Variants in TRAPPC9 observed in about 807,000 individuals in gnomAD.
TRAPPC9 encodes the protein IKK2 binding protein.
A neutral mutation model predicts 124.0 loss-of-function variants in TRAPPC9; 83 were observed. The observed-to-expected ratio is 0.67, with a 90% CI of 0.56 to 0.80. The LOEUF (loss-of-function observed/expected upper bound fraction) is 0.80. TRAPPC9 is among the 30% of genes least tolerant of loss of function. TRAPPC9 has a pLI of 0.00. For synonymous variants in TRAPPC9, 638 were observed against 617.5 expected, an observed-to-expected ratio of 1.03 and a Z score of -0.49; for missense variants, 1,302 against 1,508.3, an observed-to-expected ratio of 0.86 and a Z score of 2.27.
chr8:140,196,996 C>T (rs886925498), intron 17 of TRAPPC9, among the ~76,000 whole-genome samples: 8 of 152,184 alleles, frequency 5.3e-5, no homozygotes, highest in Admixed American at 1.3e-4. Context: ...ATATCCACAG[C>T]GCATAGCAAT....
At position 140,063,915 on chromosome 8, in the gene TRAPPC9, C is replaced by T. The variant is rs1454170048; in HGVS notation, c.2557-39836G>A. Among the ~76,000 whole-genome samples the T allele has an allele frequency of 6.6e-6, 1 of 152,034 alleles. No individual in the cohort carries two copies. The highest frequency in any genetic ancestry group is 1.5e-5 in the Non-Finnish European group (1 of 68,010). On this transcript the variant is annotated intron_variant, in intron 17 of 22. Coordinates refer to ENST00000438773, the MANE Select transcript of TRAPPC9 (RefSeq NM_001160372.4). This position sits in a 1 kb window ranked among gnomAD's most constrained non-coding sequence, Gnocchi z 4.3. Reference sequence around the variant, plus strand: ...GCCCTGCCTCCCGAAACATGCTGGCCCCTGCTCTGCCTCTCTGTTGACACT... The same window carrying T: ...GCCCTGCCTCCCGAAACATGCTGGCTCCTGCTCTGCCTCTCTGTTGACACT...
chr8:139,858,778 G>C (rs1468436600), intron 21 of TRAPPC9, among the ~76,000 whole-genome samples: 4 of 151,914 alleles, frequency 2.6e-5, no homozygotes, highest in Non-Finnish European at 4.4e-5. Context: ...CGGTTTTGCC[G>C]AGGCCAGAGC....
chr8:140,098,605 C>G (rs548966977), intron 17 of TRAPPC9: 1 of 152,184 alleles, frequency 6.6e-6, no homozygotes, highest in Non-Finnish European at 1.5e-5. Flanking sequence ...TCTCCGCAGC[C>G]GTCCACTGGG....
chr8:140,036,384 G>A lies in TRAPPC9; in HGVS notation c.2557-12305C>T, dbSNP rs549616524. 8.5e-5 allele frequency among the ~76,000 whole-genome samples: 13 copies of A among 152,212 alleles called. No homozygotes were observed. The South Asian group carries it at 1.9e-3, about 22-fold the overall frequency. ...GAGTGAACATTGACGGTCAGGCTCC[G>A]CACACGTGCTGCCATTGAAGACATC... On this transcript the variant is annotated intron_variant, in intron 17 of 22. Transcript: ENST00000438773.
At chr8:140,354,136 G>A (rs1176377466) in intron 9 of TRAPPC9, among the ~76,000 whole-genome samples, 1 of 152,234 alleles carries the variant, frequency 6.6e-6, no homozygotes, top group Non-Finnish European at 1.5e-5. Context: ...GGGAAAAGAT[G>A]AGTCTGGAAA....
chr8:140,008,238 T>A (rs891937560), intron 18 of TRAPPC9, among the ~76,000 whole-genome samples: 7 of 152,236 alleles, frequency 4.6e-5, no homozygotes, highest in African/African-American at 1.7e-4. Context: ...TGATGGCAAT[T>A]TCAGGGCAGG....
intron 16 of TRAPPC9, among the ~76,000 whole-genome samples, chr8:140,226,820 T>A (rs761194116): frequency 1.3e-5 from 2 of 151,238 alleles, no homozygotes; most frequent in Non-Finnish European, 2.9e-5. Context: ...GTTTTAGAAC[T>A]AGGAGGCTGT....
chr8:140,096,057 C>T (rs2130269371), intron 17 of TRAPPC9: 1 of 152,318 alleles, frequency 6.6e-6, no homozygotes, highest in East Asian at 1.9e-4. Flanking sequence ...GCGCACATTC[C>T]ACCTAGTACA....
At chr8:140,388,847 CAAAAA>C (rs59649390) in intron 7 of TRAPPC9, among the ~76,000 whole-genome samples, 1 of 61,022 alleles carries the variant, frequency 1.6e-5, no homozygotes, top group Admixed American at 1.9e-4. Flanking sequence ...GAGACTCCAT[CAAAAA>C]AAAAAAAAAA....
intron 21 of TRAPPC9, among the ~76,000 whole-genome samples, chr8:139,750,199 C>T (rs1444897953): frequency 1.3e-5 from 2 of 152,278 alleles, no homozygotes; most frequent in East Asian, 3.9e-4. Flanking sequence ...CCAGGCTTCT[C>T]TGATGGGGCT....
intron 12 of TRAPPC9, among the ~76,000 whole-genome samples, chr8:140,288,982 G>A (rs1437971700): frequency 6.6e-6 from 1 of 152,174 alleles, no homozygotes; most frequent in Non-Finnish European, 1.5e-5. Context: ...ATGTGCTGAT[G>A]TTGGGAGCCC....
chr8:140,078,513 G>T (rs6996412), intron 17 of TRAPPC9, among the ~76,000 whole-genome samples: 28,994 of 152,078 alleles, frequency 0.19, 3,360 homozygotes, highest in African/African-American at 0.33. Flanking sequence ...GCCAGAGGTG[G>T]GATGGGGCAG....
intron 17 of TRAPPC9, among the ~76,000 whole-genome samples, chr8:140,174,875 T>C (rs567737426): frequency 2.5e-3 from 382 of 152,320 alleles, no homozygotes; most frequent in Admixed American, 5.5e-3. Context: ...GCTATGAACA[T>C]TGTGTTCAAG....
chr8:140,058,813 A>G (rs1842427039), intron 17 of TRAPPC9, among the ~76,000 whole-genome samples: 1 of 152,218 alleles, frequency 6.6e-6, no homozygotes, highest in African/African-American at 2.4e-5. Flanking sequence ...GGCTCTGGCC[A>G]GAGTGTAAAC....
intron 21 of TRAPPC9, among the ~76,000 whole-genome samples, chr8:139,780,085 GTTC>G (rs1401816624): frequency 6.6e-6 from 1 of 152,148 alleles, no homozygotes; most frequent in Non-Finnish European, 1.5e-5. Flanking sequence ...CAAGATGTCA[GTTC>G]TTCTTAAGTT....
intron 17 of TRAPPC9, among the ~76,000 whole-genome samples, chr8:140,079,988 GGAA>G (rs548742330): frequency 5.3e-4 from 80 of 151,890 alleles, no homozygotes; most frequent in African/African-American, 1.8e-3. Flanking sequence ...GAGGAGGAGG[GGAA>G]GAAGAAGGCG....
chr8:140,336,675 G>A (rs1286504204), intron 9 of TRAPPC9, among the ~76,000 whole-genome samples: 1 of 152,130 alleles, frequency 6.6e-6, no homozygotes, highest in Non-Finnish European at 1.5e-5. Flanking sequence ...AAATGAAGGG[G>A]TAGCTGAATA....
At chr8:139,732,310 G>C in intron 21 of TRAPPC9, 108 bp from the exon 22 acceptor site, 1 of 1,068,186 alleles carries the variant, frequency 9.4e-7, no homozygotes, top group Non-Finnish European at 1.3e-6. Flanking sequence ...CACTCTTCAA[G>C]GCTGCCACCC....
chr8:140,429,893 T>A (rs112927786), intron 4 of TRAPPC9, among the ~76,000 whole-genome samples: 4,205 of 148,354 alleles, frequency 0.028, 193 homozygotes, highest in African/African-American at 0.094. Context: ...ACGCCTGTAA[T>A]TCCAGCACTT....
Sources: allele counts gnomAD v4.1 joint callset (sites outside exome capture counted in the v4.1 genomes callset), GRCh38; gene constraint gnomAD v4.1.1; non-coding constraint Gnocchi (gnomAD v3.1); transcripts MANE v1.5; gene names NCBI Gene and HGNC (gene_info 2026-07-23, HGNC 2026-07-21).